Variants in MTNAP1 observed in about 807,000 individuals in gnomAD.
The protein encoded by MTNAP1 is mitochondrial nucleoid associated protein 1.
chr17:73,247,070 C>T, the MTNAP1 span, among the ~76,000 whole-genome samples: 4 of 152,208 alleles, frequency 2.6e-5, no homozygotes, highest in Non-Finnish European at 4.4e-5. Flanking sequence ...CGGACCAAAG[C>T]CAGCCCACTG....
the MTNAP1 span, chr17:73,235,455 T>C: frequency 1.3e-6 from 2 of 1,560,846 alleles, no homozygotes. Context: ...CTTCTCATAA[T>C]CTCACATTTA....
chr17:73,237,295 G>A, the MTNAP1 span, among the ~76,000 whole-genome samples: 1 of 152,154 alleles, frequency 6.6e-6, no homozygotes, highest in Non-Finnish European at 1.5e-5. Flanking sequence ...AAAATTAGCT[G>A]GGTGTGGTGG....
the MTNAP1 span, chr17:73,247,519 T>G: frequency 1.7e-6 from 1 of 584,584 alleles, no homozygotes; most frequent in South Asian, 2.1e-5. Context: ...GTAGTATCAC[T>G]TGTCATAATC....
the MTNAP1 span, chr17:73,236,319 T>C: frequency 1.2e-6 from 2 of 1,613,966 alleles, no homozygotes; most frequent in Non-Finnish European, 1.7e-6. Context: ...AATCCCTCAT[T>C]TTAAGCCTTA....
the MTNAP1 span, among the ~76,000 whole-genome samples, chr17:73,240,248 C>G: frequency 2.6e-5 from 4 of 152,276 alleles, no homozygotes; most frequent in African/African-American, 9.6e-5. Flanking sequence ...TAGTCTGTAA[C>G]TAATAAATGT....
At chr17:73,248,781 A>G in the MTNAP1 span, 1 of 451,064 alleles carries the variant, frequency 2.2e-6, no homozygotes, top group South Asian at 3.9e-5. Context: ...AATCCTGAAT[A>G]ATATCTGAAA....
the MTNAP1 span, among the ~76,000 whole-genome samples, chr17:73,238,865 A>G: frequency 3.7e-4 from 56 of 152,238 alleles, no homozygotes; most frequent in Non-Finnish European, 6.2e-4. Flanking sequence ...CCACTAAACC[A>G]TGTTGTAGAA....
the MTNAP1 span, among the ~76,000 whole-genome samples, chr17:73,239,520 C>CTT: frequency 2.1e-3 from 304 of 141,516 alleles, 8 homozygotes; most frequent in African/African-American, 3.5e-3. Context: ...CTTCAGACAT[C>CTT]TTTTTTTTTT....
At chr17:73,244,917 C>T in the MTNAP1 span, among the ~76,000 whole-genome samples, 1 of 152,048 alleles carries the variant, frequency 6.6e-6, no homozygotes. Flanking sequence ...ATGGAGAGGC[C>T]CAAAACCAAG....
chr17:73,235,546 A>C, the MTNAP1 span: 6 of 1,614,028 alleles, frequency 3.7e-6, no homozygotes, highest in South Asian at 3.3e-5. Flanking sequence ...TAAACGATTA[A>C]AATCCCACTT....
chr17:73,232,618 C>T, the MTNAP1 span: 1 of 287,222 alleles, frequency 3.5e-6, no homozygotes, highest in Non-Finnish European at 6.4e-6. Flanking sequence ...GTGGTGCAGA[C>T]GGCCTGACGA....
the MTNAP1 span, chr17:73,237,012 T>G: frequency 1.3e-6 from 2 of 1,524,564 alleles, no homozygotes; most frequent in East Asian, 4.5e-5. Context: ...AAGCTTATTT[T>G]CAATTGCCAT....
the MTNAP1 span, chr17:73,247,283 C>T: frequency 6.2e-7 from 1 of 1,614,162 alleles, no homozygotes; most frequent in Admixed American, 1.7e-5. Context: ...ACAGTACCTC[C>T]ATGCATTGGT....
At chr17:73,245,107 A>G in the MTNAP1 span, 1 of 1,509,012 alleles carries the variant, frequency 6.6e-7, no homozygotes, top group African/African-American at 1.4e-5. Flanking sequence ...GAGGCAAAAG[A>G]TAGTAACAGT....
chr17:73,242,352 G>A, the MTNAP1 span: 1,554 of 1,561,312 alleles, frequency 1.0e-3, 12 homozygotes, highest in East Asian at 0.017. Context: ...GTACAAAAAG[G>A]TGAGGCTGGA....
the MTNAP1 span, chr17:73,243,277 C>T: frequency 2.4e-5 from 10 of 417,458 alleles, no homozygotes; most frequent in Non-Finnish European, 4.0e-5. Context: ...GCCTCAGCCT[C>T]TCGAGTAGCT....
chr17:73,239,847 C>G, the MTNAP1 span, among the ~76,000 whole-genome samples: 9 of 152,172 alleles, frequency 5.9e-5, no homozygotes, highest in African/African-American at 1.9e-4. Flanking sequence ...AGTGACTTCC[C>G]TATGTTCATG....
chr17:73,236,586 A>G, the MTNAP1 span: 2 of 1,614,246 alleles, frequency 1.2e-6, no homozygotes, highest in Non-Finnish European at 1.7e-6. Flanking sequence ...TTCATTCTGT[A>G]TCGCAGTCAA....
the MTNAP1 span, chr17:73,242,100 C>G: frequency 2.6e-5 from 13 of 500,568 alleles, no homozygotes; most frequent in African/African-American, 3.9e-5. Context: ...CAACACTTAG[C>G]TGCAGTCCAA....
Sources: gnomAD v4.1 joint callset for allele counts (sites outside exome capture counted in the v4.1 genomes callset) on GRCh38, gnomAD v4.1.1 for gene constraint, MANE v1.5 for transcripts, NCBI Gene and HGNC (gene_info 2026-07-23, HGNC 2026-07-21) for gene names.